The following RBPJ variants were observed in gnomAD, a reference collection of about 807,000 sequenced individuals.
RBPJ encodes the protein recombining binding protein suppressor of hairless.
Under a neutral mutation model 67.8 loss-of-function variants are expected in RBPJ, and 9 were observed. That is an observed-to-expected ratio of 0.13 (90% confidence interval 0.08 to 0.23). The LOEUF (loss-of-function observed/expected upper bound fraction) is 0.23. Ranked by LOEUF, RBPJ falls within the 10% of genes least tolerant of loss-of-function variation. The probability of loss-of-function intolerance (pLI) is 1.00; values close to 1 mark genes in which losing one functional copy is unlikely to be tolerated. For synonymous variants in RBPJ, 198 were observed against 203.3 expected (o/e 0.97, Z 0.22); for missense variants, 305 against 595.6 (o/e 0.51, Z 5.08).
At chr4:26,134,226 AAC>A in the RBPJ span, among the ~76,000 whole-genome samples, 1 of 152,192 alleles carries the variant, frequency 6.6e-6, no homozygotes, top group Non-Finnish European at 1.5e-5. Context: ...TTTGGAATCA[AAC>A]ACAGCAGGAT....
At chr4:26,193,938 G>T (rs1717660656) in intron 1 of RBPJ, among the ~76,000 whole-genome samples, 1 of 152,096 alleles carries the variant, frequency 6.6e-6, no homozygotes, top group South Asian at 2.1e-4. Context: ...TCAAAACATG[G>T]CAGGTTCTCC....
rs545127724 is a variant in RBPJ, at chr4:26,207,724, G to A, written c.-167+44110G>A. Among the ~76,000 whole-genome samples the A allele has an allele frequency of 7.8e-4, 118 of 152,238 alleles. 1 individual carries two copies. The highest frequency in any genetic ancestry group is 2.7e-3 in the African/African-American group (111 of 41,540). On this transcript the variant is annotated intron_variant, in intron 1 of 4. Coordinates refer to the RBPJ transcript ENST00000512351. ...GGAGAGGGGGTAAATTACAAACAAC[G>A]ATTGCATTTTTAGAGGAGATGCTTT...
At chr4:26,246,365 T>C (rs6828703) in intron 1 of RBPJ, among the ~76,000 whole-genome samples, 1 of 152,038 alleles carries the variant, frequency 6.6e-6, no homozygotes, top group Non-Finnish European at 1.5e-5. Context: ...TTTTCAGATT[T>C]TTCATCACTA....
intron 5 of RBPJ, among the ~76,000 whole-genome samples, chr4:26,422,210 CCTT>C (rs1004637046): frequency 2.2e-4 from 18 of 80,422 alleles, no homozygotes; most frequent in African/African-American, 9.7e-4. Flanking sequence ...CTGATTATCC[CCTT>C]TTTTTTTTTT....
upstream of RBPJ, among the ~76,000 whole-genome samples, chr4:26,317,317 T>C (rs1435760559): frequency 6.6e-6 from 1 of 151,674 alleles, no homozygotes; most frequent in Non-Finnish European, 1.5e-5. Context: ...CTATAAGGTA[T>C]ATGAGGGAAG....
At chr4:26,185,570 A>G (rs937494039) in intron 1 of RBPJ, among the ~76,000 whole-genome samples, 26 of 152,166 alleles carry the variant, frequency 1.7e-4, no homozygotes, top group Admixed American at 1.6e-3. Flanking sequence ...TGCAATATTA[A>G]TTATCCAGAG....
chr4:26,301,941 C>T (rs949531160), intron 1 of RBPJ, among the ~76,000 whole-genome samples: 5 of 151,930 alleles, frequency 3.3e-5, no homozygotes, highest in African/African-American at 4.8e-5. Flanking sequence ...TATAGGTGTG[C>T]GCCACCAGGC....
intron 1 of RBPJ, among the ~76,000 whole-genome samples, chr4:26,297,904 G>A (rs768184232): frequency 2.5e-4 from 38 of 151,420 alleles, no homozygotes; most frequent in Admixed American, 4.6e-4. Context: ...TTCTAATGTT[G>A]CCTTAATTTT....
At chr4:26,126,305 T>C in the RBPJ span, among the ~76,000 whole-genome samples, 1 of 151,456 alleles carries the variant, frequency 6.6e-6, no homozygotes, top group African/African-American at 2.5e-5. Context: ...ATCTGTTGTT[T>C]TTTGGCTTCC....
In RBPJ at chr4:26,181,200, C is replaced by T. The variant is rs78888924; in HGVS notation, c.-167+17586C>T. Among the ~76,000 whole-genome samples, 1,474 of 152,262 alleles carry T rather than the reference C, an allele frequency of 9.7e-3. 23 individuals are homozygous for T. Among genetic ancestry groups the T allele is most frequent in the African/African-American group, 0.034 (1,393 of 41,542 alleles). On this transcript the variant is annotated intron_variant, in intron 1 of 4. Transcript: ENST00000512351. The stretch of plus-strand genomic sequence containing the variant: ...ATACCGTGTGTTTTTAATTATTGCT[C>T]GGATTTCTCTTCTGACTTTCCTGAA...
chr4:26,226,261 C>CT (rs1719072932), intron 1 of RBPJ, among the ~76,000 whole-genome samples: 1 of 151,860 alleles, frequency 6.6e-6, no homozygotes, highest in East Asian at 1.9e-4. Context: ...AGCCAGGAGT[C>CT]TAAGACAAGC....
rs772224810 is a variant in RBPJ, at chr4:26,303,230, A to AAT, written c.-166-59202_-166-59201dup. ...TAAATAAATAAATAATAAATGAATA[A>AAT]ATATATATATATATAATCCATATGA... On this transcript the variant is annotated intron_variant, in intron 1 of 4. Coordinates refer to the RBPJ transcript ENST00000512351. Among the ~76,000 whole-genome samples the AAT allele has an allele frequency of 3.6e-3, 514 of 144,156 alleles. 7 individuals are homozygous for AAT. The highest frequency in any genetic ancestry group is 0.011 in the African/African-American group (414 of 38,414). The allele number at this position is 144,156 out of a possible 152,430, so 94.6% of individuals were successfully genotyped here.
At chr4:26,130,709 C>G in the RBPJ span, among the ~76,000 whole-genome samples, 2 of 152,144 alleles carry the variant, frequency 1.3e-5, no homozygotes, top group Admixed American at 6.5e-5. Flanking sequence ...TCTGTGCACT[C>G]CTTTACCACC....
intron 1 of RBPJ, among the ~76,000 whole-genome samples, chr4:26,200,191 G>A (rs562750229): frequency 5.3e-5 from 8 of 152,280 alleles, no homozygotes; most frequent in South Asian, 4.1e-4. Flanking sequence ...AAAGTCCTTC[G>A]TCCTTATTTT....
At chr4:26,109,729 C>CTATATA in the RBPJ span, among the ~76,000 whole-genome samples, 2 of 66,064 alleles carry the variant, frequency 3.0e-5, no homozygotes, top group African/African-American at 1.1e-4. Context: ...CTCTCTCTCT[C>CTATATA]TATATATATA....
the RBPJ span, among the ~76,000 whole-genome samples, chr4:26,124,863 C>T: frequency 1.9e-4 from 29 of 152,250 alleles, no homozygotes; most frequent in South Asian, 4.2e-4. Context: ...TATGGGACCA[C>T]GTCCCATATG....
intron 2 of RBPJ, among the ~76,000 whole-genome samples, chr4:26,398,104 A>G (rs1732344898): frequency 6.6e-6 from 1 of 152,116 alleles, no homozygotes; most frequent in Non-Finnish European, 1.5e-5. Context: ...GATTACTTTG[A>G]AAATTCTTGA....
intron 1 of RBPJ, among the ~76,000 whole-genome samples, chr4:26,303,757 A>C (rs1357772015): frequency 6.6e-6 from 1 of 152,220 alleles, no homozygotes; most frequent in Non-Finnish European, 1.5e-5. Context: ...CAGCCTGGGC[A>C]ACATACTGAG....
chr4:26,331,750 C>T (rs181418322), intron 1 of RBPJ, among the ~76,000 whole-genome samples: 17 of 152,334 alleles, frequency 1.1e-4, no homozygotes, highest in Non-Finnish European at 8.8e-5. Flanking sequence ...ACTGGCTGGA[C>T]GCAGTTACCT....
Sources: allele counts gnomAD v4.1 joint callset (sites outside exome capture counted in the v4.1 genomes callset), GRCh38; gene constraint gnomAD v4.1.1; transcripts MANE v1.5; gene names NCBI Gene and HGNC (gene_info 2026-07-23, HGNC 2026-07-21).